Variants in WDFY4 observed in about 807,000 individuals in gnomAD.
WDFY4 encodes WDFY family member 4.
WDFY4 carries 169 observed loss-of-function variants against 351.9 expected under a neutral mutation model. The observed-to-expected ratio is 0.48, with a 90% CI of 0.42 to 0.55. WDFY4 has a LOEUF of 0.55. Ranked by LOEUF, WDFY4 falls within the 20% of genes least tolerant of loss-of-function variation. The probability of loss-of-function intolerance (pLI) is 0.00; values close to 1 mark genes in which losing one functional copy is unlikely to be tolerated. For synonymous variants in WDFY4, 1,622 were observed against 1,574.6 expected (o/e 1.03, Z -0.71); for missense variants, 3,803 against 3,935.6 (o/e 0.97, Z 0.90).
intron 54 of WDFY4, among the ~76,000 whole-genome samples, chr10:48,965,160 C>T (rs1842022400): frequency 6.6e-6 from 1 of 152,206 alleles, no homozygotes; most frequent in Non-Finnish European, 1.5e-5. Flanking sequence ...GTAGTAGCCA[C>T]TACCATCCAG....
At chr10:48,703,007 T>C (rs2063522807) in intron 1 of WDFY4, among the ~76,000 whole-genome samples, 1 of 152,242 alleles carries the variant, frequency 6.6e-6, no homozygotes, top group Non-Finnish European at 1.5e-5. Context: ...CAGTGTCAGC[T>C]GTGCAGGTAG....
intron 51 of WDFY4, among the ~76,000 whole-genome samples, chr10:48,954,656 G>A (rs933164343): frequency 6.6e-6 from 1 of 152,074 alleles, no homozygotes; most frequent in African/African-American, 2.4e-5. Context: ...GCAGCCACCA[G>A]AGTTTACATC....
intron 41 of WDFY4, 51 bp from the exon 42 acceptor site, chr10:48,875,038 A>G: frequency 8.2e-7 from 1 of 1,214,000 alleles, no homozygotes; most frequent in Non-Finnish European, 1.1e-6. Context: ...TGAGTGAAGC[A>G]TAGATGTAGC....
rs1471622437 is a variant in WDFY4 at position 48,776,860 on chromosome 10, T to C, written c.2974T>C (p.Ser992Pro). 6.4e-7 allele frequency: 1 copy of C among 1,551,684 alleles called. No individual in the cohort carries two copies. The highest frequency in any genetic ancestry group is 1.4e-5 in the African/African-American group (1 of 73,018). ...APQPLGESQD[S>P]TTALQTALSL... ...GCAGCCCTTGGGGGAATCCCAGGATTCAACTACTGCTCTTCAGACGGCGCT... is the reference window on the plus strand; with the variant it reads ...GCAGCCCTTGGGGGAATCCCAGGATCCAACTACTGCTCTTCAGACGGCGCT... The change falls in exon 16 of 62, where the codon TCA becomes CCA. Residue 992 changes from serine to proline, a missense_variant. This residue lies in a region of WDFY4 where 3,054 missense variants were observed against 3,148.6 expected (regional missense o/e 0.97). Transcript: ENST00000325239.
At chr10:48,847,203 A>G (rs1185565343) in intron 39 of WDFY4, among the ~76,000 whole-genome samples, 1 of 152,040 alleles carries the variant, frequency 6.6e-6, no homozygotes, top group Non-Finnish European at 1.5e-5. Context: ...CCATGTCCTC[A>G]CGTGGTCTGT....
intron 51 of WDFY4, among the ~76,000 whole-genome samples, chr10:48,951,125 G>T (rs1049174148): frequency 7.0e-4 from 107 of 152,356 alleles, no homozygotes; most frequent in Admixed American, 6.3e-3. Context: ...TCAGGTTTAA[G>T]TGTTCTTAGG....
At chr10:48,967,588 G>A (rs972730849) in intron 55 of WDFY4, 3 of 152,108 alleles carry the variant, frequency 2.0e-5, no homozygotes, top group Non-Finnish European at 4.4e-5. Flanking sequence ...AAGGCTCAGA[G>A]AGGCTCTATA....
At chr10:48,861,389 A>G (rs2069338322) in intron 39 of WDFY4, among the ~76,000 whole-genome samples, 1 of 152,180 alleles carries the variant, frequency 6.6e-6, no homozygotes, top group South Asian at 2.1e-4. Context: ...TTTGGTGGTG[A>G]CAAATTCTCT....
chr10:48,966,507 C>T lies in WDFY4; in HGVS notation c.8437-19C>T, dbSNP rs1328299083. The T allele has an allele frequency of 6.5e-7, 1 of 1,550,292 alleles. No homozygotes were observed. Among genetic ancestry groups the T allele is most frequent in the Admixed American group, 2.0e-5 (1 of 50,900 alleles). On this transcript the variant is annotated intron_variant, in intron 54 of 61. Transcript: ENST00000325239. ...TGGGCATCTCTCCCCTCATGTGTGT[C>T]TGTTCCCTGTCTCTCTAGCTCTTTA...
At position 48,786,765 on chromosome 10, in the gene WDFY4, G is replaced by A. The variant is rs1280410559; in HGVS notation, c.3703G>A (p.Gly1235Ser). The A allele has an allele frequency of 6.4e-7, 1 of 1,552,210 alleles. No individual in the cohort carries two copies. The highest frequency in any genetic ancestry group is 8.7e-7 in the Non-Finnish European group (1 of 1,147,150). The change falls in exon 20 of 62, where the codon GGC (glycine) becomes AGC (serine). Residue 1235 changes from glycine (G) to serine (S), a missense_variant. Gly to Ser is a moderately conservative substitution (Grantham distance 56). Coordinates refer to ENST00000325239, the MANE Select transcript of WDFY4 (RefSeq NM_001394531.1). ...AAAGTCTTCATTAATCTGGCGTCTTGGCCCCACATACCTCTTTGAAGAAGC... is the reference window on the plus strand; with the variant it reads ...AAAGTCTTCATTAATCTGGCGTCTTAGCCCCACATACCTCTTTGAAGAAGC... Reference protein sequence around the residue: ...KQKSSLIWRLGPTYLFEEAIS... With the variant: ...KQKSSLIWRLSPTYLFEEAIS...
intron 13 of WDFY4, among the ~76,000 whole-genome samples, chr10:48,766,707 C>T (rs1429437279): frequency 1.3e-5 from 2 of 152,220 alleles, no homozygotes; most frequent in Non-Finnish European, 2.9e-5. Flanking sequence ...AAGTTAAAGT[C>T]AGATGGATTC....
intron 12 of WDFY4, among the ~76,000 whole-genome samples, chr10:48,758,592 T>G (rs2065404923): frequency 6.6e-6 from 1 of 152,178 alleles, no homozygotes; most frequent in Non-Finnish European, 1.5e-5. Flanking sequence ...GAGTCTGTCT[T>G]TATTTTTAGT....
chr10:48,788,527 C>T lies in WDFY4; in HGVS notation c.3809-3C>T, dbSNP rs1323807575. 1 of 1,551,404 alleles carries T rather than the reference C, an allele frequency of 6.4e-7. No individual in the cohort carries two copies. Among genetic ancestry groups the T allele is most frequent in the Admixed American group, 2.0e-5 (1 of 50,814 alleles). On this transcript the variant is annotated splice_polypyrimidine_tract_variant and splice_region_variant and intron_variant, in intron 20 of 61. Coordinates refer to ENST00000325239, the MANE Select transcript of WDFY4 (RefSeq NM_001394531.1). ...AGAAATGTTTAAAGATGTGTTGTTA[C>T]AGGGGAGGACCTGGACAGTGAAGCC... is the stretch of plus-strand genomic sequence containing the variant.
chr10:48,852,420 T>G (rs2068986433), intron 39 of WDFY4, among the ~76,000 whole-genome samples: 2 of 152,312 alleles, frequency 1.3e-5, no homozygotes, highest in Admixed American at 1.3e-4. Context: ...TTGTCAGTCA[T>G]AAAGTGCCCT....
At chr10:48,867,381 T>A in intron 40 of WDFY4, 39 bp downstream of exon 40, 1 of 1,320,338 alleles carries the variant, frequency 7.6e-7, no homozygotes, top group Non-Finnish European at 1.0e-6. Flanking sequence ...TACAGCAAGC[T>A]GGAATCCACC....
chr10:48,845,416 C>T (rs972236942), intron 39 of WDFY4, among the ~76,000 whole-genome samples: 1 of 152,186 alleles, frequency 6.6e-6, no homozygotes, highest in Admixed American at 6.5e-5. Flanking sequence ...GTCCCTGCCC[C>T]AGGAGGTCCT....
At chr10:48,957,915 C>T (rs576646499) in intron 52 of WDFY4, among the ~76,000 whole-genome samples, 1 of 152,334 alleles carries the variant, frequency 6.6e-6, no homozygotes, top group African/African-American at 2.4e-5. Flanking sequence ...CAAACAGTTG[C>T]AAGGCTGAGT....
At chr10:48,980,046 C>T (rs1401378226) in intron 60 of WDFY4, 1 of 152,178 alleles carries the variant, frequency 6.6e-6, no homozygotes, top group Admixed American at 6.5e-5. Flanking sequence ...GGGTCTTAGA[C>T]TGACAGGGAG....
intron 60 of WDFY4, among the ~76,000 whole-genome samples, chr10:48,980,877 T>C (rs959977855): frequency 1.3e-5 from 2 of 152,232 alleles, no homozygotes; most frequent in Non-Finnish European, 2.9e-5. Context: ...GTAACAATCA[T>C]TGAGTTATAT....
Sources: allele counts gnomAD v4.1 joint callset (sites outside exome capture counted in the v4.1 genomes callset), GRCh38; gene constraint gnomAD v4.1.1; regional missense constraint gnomAD v4.1.1; transcripts MANE v1.5; gene names NCBI Gene and HGNC (gene_info 2026-07-23, HGNC 2026-07-21).